CGAS: variants seen among roughly 807,000 people sequenced by gnomAD.
CGAS encodes cyclic GMP-AMP synthase.
A neutral mutation model predicts 34.0 loss-of-function variants in CGAS; 31 were observed. That is an observed-to-expected ratio of 0.91 (90% confidence interval 0.69 to 1.23). The LOEUF (loss-of-function observed/expected upper bound fraction) is 1.23. CGAS is among the 50% of genes most tolerant of loss of function. The probability of loss-of-function intolerance (pLI) is 0.00; values close to 1 mark genes in which losing one functional copy is unlikely to be tolerated. For synonymous variants in CGAS, 266 were observed against 260.0 expected, an observed-to-expected ratio of 1.02 and a Z score of -0.22; for missense variants, 597 against 657.6, an observed-to-expected ratio of 0.91 and a Z score of 1.01.
At chr6:73,435,134 C>T (rs1456461100) in intron 3 of CGAS, among the ~76,000 whole-genome samples, 1 of 152,038 alleles carries the variant, frequency 6.6e-6, no homozygotes, top group Middle Eastern at 3.2e-3. Context: ...GCATGGGCAA[C>T]ATAGTGAAAC....
chr6:73,448,953 G>A (rs1241173593), intron 1 of CGAS, among the ~76,000 whole-genome samples: 1 of 151,858 alleles, frequency 6.6e-6, no homozygotes, highest in Non-Finnish European at 1.5e-5. Flanking sequence ...GCCAGGTGAG[G>A]TGACGCCCGC....
chr6:73,435,438 T>A (rs1770265234), intron 3 of CGAS, among the ~76,000 whole-genome samples: 2 of 152,092 alleles, frequency 1.3e-5, no homozygotes, highest in Admixed American at 6.6e-5. Context: ...CCTATGGAGA[T>A]CTGGGAAATG....
Position 73,423,896 on chromosome 6 carries a change from A to G in CGAS, c.*1331T>C, listed in dbSNP as rs996220680. 2 of 152,212 alleles carry G rather than the reference A, an allele frequency of 1.3e-5. No homozygotes were observed. The highest frequency in any genetic ancestry group is 2.9e-5 in the Non-Finnish European group (2 of 68,032). 9.4% of individuals were successfully genotyped at this position (152,212 alleles called of 1,614,324 possible). A position where few individuals can be genotyped will look rare whatever the true frequency, so the allele number is the denominator to read the frequency against. On this transcript the variant is annotated 3_prime_UTR_variant, in exon 5 of 5. Coordinates refer to ENST00000370315, the MANE Select transcript of CGAS (RefSeq NM_138441.3). The stretch of plus-strand genomic sequence containing the variant: ...TTATTTGTTACACAGACAACGAATG[A>G]AAGATAAATACCCCAAATATATTAA...
chr6:73,444,320 T>A (rs560769025), intron 2 of CGAS, among the ~76,000 whole-genome samples: 116 of 148,608 alleles, frequency 7.8e-4, no homozygotes, highest in Middle Eastern at 3.6e-3. Flanking sequence ...AATTTTATTT[T>A]ATTTTGAGAT....
At chr6:73,425,851 G>T (rs1394894195) in intron 4 of CGAS, among the ~76,000 whole-genome samples, 1 of 152,150 alleles carries the variant, frequency 6.6e-6, no homozygotes, top group Non-Finnish European at 1.5e-5. Context: ...GCGCACGCCT[G>T]TAATCCCAGC....
At chr6:73,433,966 A>G (rs1447464733) in intron 3 of CGAS, among the ~76,000 whole-genome samples, 1 of 152,240 alleles carries the variant, frequency 6.6e-6, no homozygotes, top group African/African-American at 2.4e-5. Flanking sequence ...GTGGAATCTG[A>G]AAAGCTGATT....
At chr6:73,446,164 T>A (rs1261918880) in intron 1 of CGAS, among the ~76,000 whole-genome samples, 1 of 151,952 alleles carries the variant, frequency 6.6e-6, no homozygotes, top group East Asian at 1.9e-4. Flanking sequence ...ACCCCGTCTC[T>A]ACTAAAAATA....
chr6:73,441,722 G>C (rs944994857), intron 2 of CGAS, among the ~76,000 whole-genome samples: 1 of 152,154 alleles, frequency 6.6e-6, no homozygotes, highest in Non-Finnish European at 1.5e-5. Context: ...GGGTTTATAA[G>C]CAGTAAAGAC....
At chr6:73,430,922 C>T (rs1287253129) in intron 3 of CGAS, among the ~76,000 whole-genome samples, 3 of 151,504 alleles carry the variant, frequency 2.0e-5, no homozygotes, top group Admixed American at 6.6e-5. Context: ...GCAAACATGG[C>T]GAAACTCCGT....
At chr6:73,433,735 C>T (rs961186061) in intron 3 of CGAS, among the ~76,000 whole-genome samples, 2 of 151,922 alleles carry the variant, frequency 1.3e-5, no homozygotes, top group African/African-American at 2.4e-5. Context: ...AATCCACTCA[C>T]CTTGGCCTTC....
chr6:73,440,427 T>G lies in CGAS; in HGVS notation c.896A>C (p.Lys299Thr). Reference sequence around the variant, plus strand: ...AGCAGGGCTCCCTCCTCTTTTCCTCTTCATGATGACATCTGTATCTGGTTG... The same window carrying G: ...AGCAGGGCTCCCTCCTCTTTTCCTCGTCATGATGACATCTGTATCTGGTTG... ...NDIKDTDVIM[K>T]RKRGGSPAVT... The change falls in exon 3 of 5, where the codon AAG becomes ACG. Residue 299 changes from lysine (K) to threonine (T), a missense_variant. Lys to Thr is a moderately conservative substitution (Grantham distance 78, BLOSUM62 -1). Transcript: ENST00000370315. 6.2e-7 allele frequency: 1 copy of G among 1,613,264 alleles called. No homozygotes were observed. The highest frequency in any genetic ancestry group is 8.5e-7 in the Non-Finnish European group (1 of 1,179,550).
chr6:73,426,850 T>C (rs1404641430), intron 4 of CGAS, among the ~76,000 whole-genome samples: 1 of 151,978 alleles, frequency 6.6e-6, no homozygotes, highest in Non-Finnish European at 1.5e-5. Context: ...CTTTTTTTTT[T>C]TCTTTTTCCT....
chr6:73,447,021 A>G (rs1270196201), intron 1 of CGAS, among the ~76,000 whole-genome samples: 2 of 152,198 alleles, frequency 1.3e-5, no homozygotes, highest in Non-Finnish European at 2.9e-5. Context: ...GTACCACTGC[A>G]CTCCAGCCTG....
chr6:73,432,071 C>T (rs762866722), intron 3 of CGAS, among the ~76,000 whole-genome samples: 4 of 152,098 alleles, frequency 2.6e-5, no homozygotes, highest in Non-Finnish European at 5.9e-5. Context: ...GTCCAGCAAT[C>T]CTCCCACCTC....
At chr6:73,438,395 T>C (rs1442220675) in intron 3 of CGAS, among the ~76,000 whole-genome samples, 1 of 152,070 alleles carries the variant, frequency 6.6e-6, no homozygotes, top group Non-Finnish European at 1.5e-5. Context: ...AATGGAAGAA[T>C]GAAAAGAACT....
chr6:73,443,255 T>TC (rs397817074), intron 2 of CGAS, among the ~76,000 whole-genome samples: 6 of 149,226 alleles, frequency 4.0e-5, no homozygotes, highest in South Asian at 2.1e-4. Flanking sequence ...TTTTTTTTTT[T>TC]CTGAGACAGG....
chr6:73,449,538 G>A (rs1770527395), intron 1 of CGAS, among the ~76,000 whole-genome samples: 1 of 149,742 alleles, frequency 6.7e-6, no homozygotes, highest in Admixed American at 6.7e-5. Context: ...ACTGTCTTCT[G>A]AATGTCTTGT....
chr6:73,428,855 A>T (rs764977016), intron 3 of CGAS, 44 bp from the exon 4 acceptor site: 9 of 1,508,700 alleles, frequency 6.0e-6, no homozygotes, highest in Admixed American at 3.6e-5. Flanking sequence ...TACCCAAAGC[A>T]TCCATATCTA....
chr6:73,437,457 T>C (rs1770298225), intron 3 of CGAS, among the ~76,000 whole-genome samples: 1 of 152,088 alleles, frequency 6.6e-6, no homozygotes, highest in Non-Finnish European at 1.5e-5. Context: ...AGGCGGGGTA[T>C]AGAGGACTTC....
Sources: gnomAD v4.1 joint callset for allele counts (sites outside exome capture counted in the v4.1 genomes callset) on GRCh38, gnomAD v4.1.1 for gene constraint, MANE v1.5 for transcripts, NCBI Gene and HGNC (gene_info 2026-07-23, HGNC 2026-07-21) for gene names.